EXOC5: variants seen among roughly 807,000 people sequenced by gnomAD.
EXOC5 encodes SEC10-like 1.
In EXOC5, 17 loss-of-function variants were observed where a neutral mutation model predicts 90.8. The observed-to-expected ratio is 0.19, with a 90% CI of 0.13 to 0.28. EXOC5 has a LOEUF of 0.28. Among genes scored for constraint, EXOC5 ranks in the 10% least tolerant of loss-of-function variants. The pLI, the probability that EXOC5 is intolerant of heterozygous loss-of-function variation, is 1.00. For synonymous variants in EXOC5, 260 were observed against 270.0 expected (o/e 0.96, Z 0.36); for missense variants, 569 against 830.6 (o/e 0.69, Z 3.87).
In EXOC5 at chr14:57,268,673, C is replaced by T. The variant is rs755051718; in HGVS notation, c.-25G>A. 2 of 1,577,004 alleles carry T rather than the reference C, an allele frequency of 1.3e-6. No homozygotes were observed. Among genetic ancestry groups the T allele is most frequent in the Non-Finnish European group, 1.7e-6 (2 of 1,170,326 alleles). ...TCCCGGCCGGCTGAGAGGCTCGCCC[C>T]CCACTGGATGCCGTCTCCGCTTCAC... On this transcript the variant is annotated 5_prime_UTR_variant, in exon 1 of 18. Transcript: ENST00000621441.
Position 57,205,852 on chromosome 14 carries a change from A to AT in EXOC5, c.*2756_*2757insA, listed in dbSNP as rs1199842521. The AT allele has an allele frequency of 4.4e-6, 2 of 455,512 alleles. No individual in the cohort carries two copies. The highest frequency in any genetic ancestry group is 8.8e-6 in the Non-Finnish European group (2 of 226,554). 28.2% of individuals were successfully genotyped at this position (455,512 alleles called of 1,614,324 possible). A position where few individuals can be genotyped will look rare whatever the true frequency, so the allele number is the denominator to read the frequency against. ...TTTTAAAACAAGGAAGATCCTAAGG[A>AT]CTTGCAACTATGGCAATCCTCAAAA... On this transcript the variant is annotated 3_prime_UTR_variant, in exon 18 of 18. Transcript: ENST00000621441.
rs182549501 is a variant in EXOC5, at chr14:57,259,181, C to T, written c.27+9441G>A. On this transcript the variant is annotated intron_variant, in intron 1 of 17. Coordinates refer to ENST00000621441, the MANE Select transcript of EXOC5 (RefSeq NM_006544.4). ...CTGCAATGCAGTGGTACAATCTCGG[C>T]TCCGCCTCCTGGGTTCAAGCAAGTC... Among the ~76,000 whole-genome samples, 146 of 152,102 alleles carry T rather than the reference C, an allele frequency of 9.6e-4. 1 individual carries two copies. The highest frequency in any genetic ancestry group is 3.4e-3 in the African/African-American group (139 of 41,480).
At chr14:57,224,757 A>G (rs1302429234) in intron 12 of EXOC5, among the ~76,000 whole-genome samples, 2 of 152,142 alleles carry the variant, frequency 1.3e-5, no homozygotes, top group Non-Finnish European at 2.9e-5. Flanking sequence ...CTAAAACCAG[A>G]CAAAGACATA....
rs566610928 is a variant in EXOC5, at chr14:57,261,123, A to G, written c.27+7499T>C. 1.7e-3 allele frequency among the ~76,000 whole-genome samples: 257 copies of G among 152,388 alleles called. 1 individual carries two copies. The highest frequency in any genetic ancestry group is 6.8e-3 in the Middle Eastern group (2 of 294). On this transcript the variant is annotated intron_variant, in intron 1 of 17. Transcript: ENST00000621441. Reference sequence around the variant, plus strand: ...AAGTTTTAAAAATATATATATACATAAACTATTGACAATCAAACTTTTAAA... The same window carrying G: ...AAGTTTTAAAAATATATATATACATGAACTATTGACAATCAAACTTTTAAA...
intron 15 of EXOC5, among the ~76,000 whole-genome samples, chr14:57,214,392 CA>C (rs1051288746): frequency 6.6e-6 from 1 of 152,054 alleles, no homozygotes; most frequent in Admixed American, 6.6e-5. Context: ...TGTCAGCACT[CA>C]AAAAATTTCA....
chr14:57,247,606 T>A lies in EXOC5; in HGVS notation c.122+12A>T, dbSNP rs1394827236. The A allele has an allele frequency of 1.4e-5, 21 of 1,475,004 alleles. No homozygotes were observed. The highest frequency in any genetic ancestry group is 1.9e-5 in the Non-Finnish European group (21 of 1,087,198). 91.4% of individuals were successfully genotyped at this position (1,475,004 alleles called of 1,614,324 possible). A position where few individuals can be genotyped will look rare whatever the true frequency, so the allele number is the denominator to read the frequency against. ...GATTAGATCTGTGGGGAAAAAAATT[T>A]TTTTATTTCACCTTTTAGGATCAAA... On this transcript the variant is annotated intron_variant, in intron 2 of 17. Coordinates refer to ENST00000621441, the MANE Select transcript of EXOC5 (RefSeq NM_006544.4).
At chr14:57,238,219 T>A (rs1405633346) in intron 5 of EXOC5, among the ~76,000 whole-genome samples, 1 of 73,818 alleles carries the variant, frequency 1.4e-5, no homozygotes, top group Non-Finnish European at 2.8e-5. Flanking sequence ...ACTCCACATA[T>A]ATATACACAC....
chr14:57,257,260 G>A (rs949202312), intron 1 of EXOC5, among the ~76,000 whole-genome samples: 5 of 152,236 alleles, frequency 3.3e-5, no homozygotes, highest in Admixed American at 3.3e-4. Context: ...GAGATGGGAA[G>A]ATCAGGGAAG....
chr14:57,211,437 C>T (rs2139608065), intron 15 of EXOC5, among the ~76,000 whole-genome samples: 1 of 152,306 alleles, frequency 6.6e-6, no homozygotes, highest in South Asian at 2.1e-4. Context: ...AAAGTCACCA[C>T]CTTGTTCATC....
chr14:57,241,989 C>T (rs1187916653), intron 4 of EXOC5, among the ~76,000 whole-genome samples: 2 of 151,470 alleles, frequency 1.3e-5, no homozygotes, highest in African/African-American at 2.4e-5. Flanking sequence ...AAAAATTAGC[C>T]GGGTATGGTG....
Position 57,201,568 on chromosome 14 carries a change from TTATATATATATATA to T in EXOC5, c.*7027_*7040del, listed in dbSNP as rs71104542. ...ACATATATTTTTATATATATTAATA[TTATATATATATATA>T]TATATATATATATAAAGGATGGCTG... On this transcript the variant is annotated 3_prime_UTR_variant, in exon 18 of 18. Coordinates refer to ENST00000621441, the MANE Select transcript of EXOC5 (RefSeq NM_006544.4). 2.1e-5 allele frequency: 2 copies of T among 93,404 alleles called. No individual in the cohort carries two copies. Among genetic ancestry groups the T allele is most frequent in the Non-Finnish European group, 3.9e-5 (2 of 51,428 alleles). 5.8% of individuals were successfully genotyped at this position (93,404 alleles called of 1,614,324 possible). A position where few individuals can be genotyped will look rare whatever the true frequency, so the allele number is the denominator to read the frequency against.
intron 15 of EXOC5, among the ~76,000 whole-genome samples, chr14:57,215,907 T>C (rs1034144598): frequency 5.9e-5 from 9 of 152,146 alleles, no homozygotes; most frequent in Non-Finnish European, 1.0e-4. Flanking sequence ...GCAGATGATA[T>C]GATCTTAGAT....
intron 14 of EXOC5, among the ~76,000 whole-genome samples, chr14:57,218,443 A>G (rs1281716954): frequency 1.3e-5 from 2 of 152,108 alleles, no homozygotes; most frequent in African/African-American, 4.8e-5. Flanking sequence ...GACTATCATC[A>G]CCAGAGTTTT....
chr14:57,247,169 C>G (rs2139654598), intron 2 of EXOC5, among the ~76,000 whole-genome samples: 2 of 152,222 alleles, frequency 1.3e-5, no homozygotes, highest in South Asian at 4.1e-4. Flanking sequence ...AAACCTCACC[C>G]AGAATCCCCA....
intron 1 of EXOC5, chr14:57,268,349 G>C (rs146837183): frequency 1.5e-5 from 12 of 798,490 alleles, no homozygotes; most frequent in Non-Finnish European, 1.9e-6. Flanking sequence ...TTTCCCTCTT[G>C]CCCCCACAAA....
rs368164739 is a variant in EXOC5 at position 57,230,446 on chromosome 14, A to ACACACACACACAC, written c.1149-566_1149-565insGTGTGTGTGTGTG. Among the ~76,000 whole-genome samples, 384 of 148,248 alleles carry ACACACACACACAC rather than the reference A, an allele frequency of 2.6e-3. 2 individuals carry two copies. Among genetic ancestry groups the ACACACACACACAC allele is most frequent in the Middle Eastern group, 0.01 (3 of 292 alleles). On this transcript the variant is annotated intron_variant, in intron 11 of 17. Transcript: ENST00000621441. ...GTAAACACACACACACACACACACA[A>ACACACACACACAC]ACACACACACAAATTCCTATTATTC...
At chr14:57,233,305 T>C (rs1217843285) in intron 9 of EXOC5, 1 of 154,620 alleles carries the variant, frequency 6.5e-6, no homozygotes, top group East Asian at 1.9e-4. Context: ...TAGGAAATGT[T>C]ATCTGAAAGT....
At chr14:57,245,860 C>T (rs747203884) in intron 3 of EXOC5, among the ~76,000 whole-genome samples, 85 of 152,010 alleles carry the variant, frequency 5.6e-4, no homozygotes, top group Non-Finnish European at 1.0e-3. Context: ...CAAGACAAAC[C>T]TGGCCAACAT....
At chr14:57,217,214 A>G (rs937205604) in intron 15 of EXOC5, among the ~76,000 whole-genome samples, 1 of 152,196 alleles carries the variant, frequency 6.6e-6, no homozygotes, top group African/African-American at 2.4e-5. Flanking sequence ...TCAAAAACTT[A>G]AAAACAGAGC....
Sources: allele counts gnomAD v4.1 joint callset (sites outside exome capture counted in the v4.1 genomes callset), GRCh38; gene constraint gnomAD v4.1.1; transcripts MANE v1.5; gene names NCBI Gene and HGNC (gene_info 2026-07-23, HGNC 2026-07-21).